CWF19L2: variants seen among roughly 807,000 people sequenced by gnomAD.
CWF19L2 encodes the protein CWF19 like cell cycle control factor 2.
Under a neutral mutation model 111.7 loss-of-function variants are expected in CWF19L2, and 98 were observed. The ratio of observed to expected loss-of-function variants is 0.88; its 90% CI spans 0.75 to 1.04. The LOEUF (loss-of-function observed/expected upper bound fraction) is 1.04. CWF19L2 is among the 50% of genes least tolerant of loss of function. The probability of loss-of-function intolerance (pLI) is 0.00; values close to 1 mark genes in which losing one functional copy is unlikely to be tolerated. For synonymous variants in CWF19L2, 351 were observed against 342.9 expected (o/e 1.02, Z -0.26); for missense variants, 1,101 against 1,051.4 (o/e 1.05, Z -0.65).
chr11:107,355,187 C>A (rs941408055), intron 12 of CWF19L2, among the ~76,000 whole-genome samples: 2 of 152,266 alleles, frequency 1.3e-5, no homozygotes, highest in Non-Finnish European at 2.9e-5. Flanking sequence ...GCAGCCAAGG[C>A]AGGCGGATCA....
At chr11:107,430,898 TAC>T (rs1861457447) in intron 7 of CWF19L2, among the ~76,000 whole-genome samples, 1 of 124,544 alleles carries the variant, frequency 8.0e-6, no homozygotes, top group Non-Finnish European at 2.0e-5. Context: ...GGAGAATAAC[TAC>T]GTAAGATAAA....
chr11:107,352,282 CGA>C (rs112913227), intron 13 of CWF19L2, among the ~76,000 whole-genome samples: 122,397 of 152,024 alleles, frequency 0.81, 49,959 homozygotes, highest in African/African-American at 0.94. Context: ...CGTGTTCCCA[CGA>C]AATGCAAGAG....
At chr11:107,343,511 T>TG (rs562039745) in intron 14 of CWF19L2, among the ~76,000 whole-genome samples, 121 of 152,300 alleles carry the variant, frequency 7.9e-4, no homozygotes, top group Middle Eastern at 6.8e-3. Flanking sequence ...GAAGAGTTCT[T>TG]GCAGACAGCA....
In CWF19L2 at chr11:107,373,807, C is replaced by T. The variant is rs946612433; in HGVS notation, c.1872+16267G>A. Among the ~76,000 whole-genome samples, 57 of 132,882 alleles carry T rather than the reference C, an allele frequency of 4.3e-4. 8 individuals carry two copies. Among genetic ancestry groups the T allele is most frequent in the African/African-American group, 1.6e-3 (54 of 33,220 alleles). The allele number at this position is 132,882 out of a possible 152,430, so 87.2% of individuals were successfully genotyped here. A position where few individuals can be genotyped will look rare whatever the true frequency, so the allele number is the denominator to read the frequency against. ...CGAGCTGAGAGAAGAAGGCTTCAGA[C>T]GATCAAATTACTCCGACCTACGGGA... On this transcript the variant is annotated intron_variant, in intron 12 of 17. Transcript: ENST00000282251.
At position 107,392,824 on chromosome 11, in the gene CWF19L2, G is replaced by A. The variant is rs373052772; in HGVS notation, c.1689C>T (p.Pro563=). The A allele has an allele frequency of 8.4e-5, 134 of 1,595,236 alleles. No homozygotes were observed. Among genetic ancestry groups the A allele is most frequent in the Non-Finnish European group, 1.1e-4 (131 of 1,173,266 alleles). The change falls in exon 11 of 18, where the codon CCC becomes CCT. Residue 563 remains proline, a synonymous_variant. Transcript: ENST00000282251. ...CTCCTTGTGATTCCAGAGATTTTCC[G>A]GGTGTGTTCACAGGCCATACTCTTC... The part of the protein sequence containing the change: ...QSGRVWPVNT[P]GKSLESQGGR...
At chr11:107,447,250 C>T (rs750878791) in intron 3 of CWF19L2, among the ~76,000 whole-genome samples, 2 of 152,172 alleles carry the variant, frequency 1.3e-5, no homozygotes, top group East Asian at 1.9e-4. Flanking sequence ...GCAAAGGAAA[C>T]GGAATTTGAA....
intron 12 of CWF19L2, among the ~76,000 whole-genome samples, chr11:107,361,913 C>T (rs1029023273): frequency 2.0e-5 from 3 of 152,108 alleles, no homozygotes; most frequent in Non-Finnish European, 4.4e-5. Flanking sequence ...TCTGAGGTAC[C>T]GGGTTCATCT....
Position 107,337,657 on chromosome 11 carries a change from G to A in CWF19L2, c.2203-944C>T, listed in dbSNP as rs141813661. Reference sequence around the variant, plus strand: ...TGGATGAGCGCGGTGGCTCATGCCTGTAATCCCAGCACTTTGGGAGGCCGA... The same window carrying A: ...TGGATGAGCGCGGTGGCTCATGCCTATAATCCCAGCACTTTGGGAGGCCGA... On this transcript the variant is annotated intron_variant, in intron 14 of 17. Transcript: ENST00000282251. Among the ~76,000 whole-genome samples the A allele has an allele frequency of 5.4e-3, 816 of 152,232 alleles. 3 individuals carry two copies. The highest frequency in any genetic ancestry group is 0.014 in the Middle Eastern group (4 of 294).
chr11:107,446,735 C>A (rs1054990512), intron 3 of CWF19L2, among the ~76,000 whole-genome samples: 1 of 152,166 alleles, frequency 6.6e-6, no homozygotes, highest in East Asian at 1.9e-4. Flanking sequence ...AATGAAATGT[C>A]TTTTTCTACT....
At position 107,441,627 on chromosome 11, in the gene CWF19L2, TAA is replaced by T; in HGVS notation, c.451-7_451-6del. ...AACAGTCATCCACTCATCCCTCTGT[TAA>T]AAAAAAAGACATAAAATCAACAGTC... On this transcript the variant is annotated splice_polypyrimidine_tract_variant and splice_region_variant and intron_variant, in intron 4 of 17. Transcript: ENST00000282251. The T allele has an allele frequency of 6.7e-7, 1 of 1,496,178 alleles. No homozygotes were observed. Among genetic ancestry groups the T allele is most frequent in the Non-Finnish European group, 8.9e-7 (1 of 1,122,698 alleles). 92.7% of individuals were successfully genotyped at this position (1,496,178 alleles called of 1,614,324 possible).
chr11:107,378,728 T>C (rs1264822503), intron 12 of CWF19L2, among the ~76,000 whole-genome samples: 1 of 152,100 alleles, frequency 6.6e-6, no homozygotes, highest in Non-Finnish European at 1.5e-5. Context: ...GTAACTAACC[T>C]GCACATTGTG....
At chr11:107,454,221 A>T (rs542818341) in intron 3 of CWF19L2, among the ~76,000 whole-genome samples, 256 of 152,378 alleles carry the variant, frequency 1.7e-3, no homozygotes, top group African/African-American at 5.9e-3. Flanking sequence ...TGCTGTGCTT[A>T]GCAATAATTC....
At chr11:107,367,186 G>T in intron 12 of CWF19L2, among the ~76,000 whole-genome samples, 1 of 125,534 alleles carries the variant, frequency 8.0e-6, no homozygotes, top group Non-Finnish European at 1.7e-5. Context: ...AACAGGTGCT[G>T]GAGAGGATGT....
chr11:107,354,392 A>G (rs1311313067), intron 12 of CWF19L2, among the ~76,000 whole-genome samples: 2 of 152,148 alleles, frequency 1.3e-5, no homozygotes, highest in Admixed American at 6.5e-5. Flanking sequence ...ATAACCTTGA[A>G]CATATTATTT....
intron 15 of CWF19L2, among the ~76,000 whole-genome samples, chr11:107,335,426 A>G (rs997500998): frequency 2.0e-5 from 3 of 152,210 alleles, no homozygotes; most frequent in Non-Finnish European, 4.4e-5. Flanking sequence ...AATACAGGAA[A>G]AAAAATGTGC....
intron 12 of CWF19L2, among the ~76,000 whole-genome samples, chr11:107,355,425 AAAAAC>A (rs1387412933): frequency 2.0e-5 from 3 of 151,884 alleles, no homozygotes; most frequent in African/African-American, 7.3e-5. Flanking sequence ...CAAAAAAAAA[AAAAAC>A]AAACAAAAGC....
rs1414379633 is a variant in CWF19L2 at position 107,326,936 on chromosome 11, C to A, written c.2659G>T (p.Asp887Tyr). Residue 887 changes from aspartate to tyrosine, a missense_variant, in exon 18 of 18, where the codon GAC (aspartate) becomes TAC (tyrosine). By Grantham distance (160) the Asp-to-Tyr change is radical. Coordinates refer to ENST00000282251, the MANE Select transcript of CWF19L2 (RefSeq NM_152434.3). ...CAATAGTTTTTACTTTTGGTGAAGTCATATGGTTTCCACCACTGAGCAAAC... is the reference window on the plus strand; with the variant it reads ...CAATAGTTTTTACTTTTGGTGAAGTAATATGGTTTCCACCACTGAGCAAAC... Reference protein sequence around the residue: ...LQFAQWWKPYDFTKSKNY With the variant: ...LQFAQWWKPYYFTKSKNY 6.2e-7 allele frequency: 1 copy of A among 1,605,642 alleles called. No individual in the cohort carries two copies. The highest frequency in any genetic ancestry group is 1.1e-5 in the South Asian group (1 of 89,402).
At chr11:107,372,272 C>T (rs559318199) in intron 12 of CWF19L2, among the ~76,000 whole-genome samples, 4 of 134,442 alleles carry the variant, frequency 3.0e-5, no homozygotes, top group East Asian at 4.3e-4. Context: ...AGGGAGTAAA[C>T]GAGTCAGAGG....
chr11:107,364,271 G>A (rs12363601), intron 12 of CWF19L2, among the ~76,000 whole-genome samples: 3,298 of 129,658 alleles, frequency 0.025, 61 homozygotes, highest in Non-Finnish European at 0.043. Context: ...CAACGAGACA[G>A]AAAGTCAACA....
Sources: gnomAD v4.1 joint callset for allele counts (sites outside exome capture counted in the v4.1 genomes callset) on GRCh38, gnomAD v4.1.1 for gene constraint, MANE v1.5 for transcripts, NCBI Gene and HGNC (gene_info 2026-07-23, HGNC 2026-07-21) for gene names.